The following ZNF438 variants were observed in gnomAD, a reference collection of about 807,000 sequenced individuals.
ZNF438 encodes the protein zinc finger protein 438.
Under a neutral mutation model 38.0 loss-of-function variants are expected in ZNF438, and 25 were observed. The observed-to-expected ratio is 0.66, with a 90% CI of 0.48 to 0.92. The LOEUF (loss-of-function observed/expected upper bound fraction) is 0.92, where lower values mean the gene tolerates loss of function less well. Ranked by LOEUF, ZNF438 falls within the 40% of genes least tolerant of loss-of-function variation. The pLI is 0.00. For synonymous variants in ZNF438, 372 were observed against 364.1 expected, an observed-to-expected ratio of 1.02 and a Z score of -0.25; for missense variants, 1,007 against 999.6, an observed-to-expected ratio of 1.01 and a Z score of -0.10.
rs545461925 is a variant in ZNF438, at chr10:30,924,939, T to C, written c.-114-15924A>G. On this transcript the variant is annotated intron_variant, in intron 2 of 5. Coordinates refer to ENST00000413025, the Ensembl canonical transcript of ZNF438. Reference sequence around the variant, plus strand: ...TTTTGATAAATATACTACGGCTATGTAGGATGTTAATTATTTCAAAATAAA... The same window carrying C: ...TTTTGATAAATATACTACGGCTATGCAGGATGTTAATTATTTCAAAATAAA... Among the ~76,000 whole-genome samples, 33 of 152,336 alleles carry C rather than the reference T, an allele frequency of 2.2e-4. No homozygotes were observed. The South Asian group carries it at 6.4e-3, about 30-fold the overall frequency.
chr10:30,973,394 A>G (rs551034474), intron 1 of ZNF438, among the ~76,000 whole-genome samples: 1 of 152,318 alleles, frequency 6.6e-6, no homozygotes, highest in Admixed American at 6.5e-5. Flanking sequence ...AATAAATATT[A>G]GCCATTTATA....
intron 1 of ZNF438, among the ~76,000 whole-genome samples, chr10:31,006,087 A>G (rs1425915138): frequency 1.3e-5 from 2 of 152,174 alleles, no homozygotes; most frequent in African/African-American, 4.8e-5. Context: ...TGTGAAATAT[A>G]TATCTGGTCT....
chr10:30,849,948 T>A, exon 5 of ZNF438: 1 of 1,614,066 alleles, frequency 6.2e-7, no homozygotes, highest in Non-Finnish European at 8.5e-7. Context: ...CACATTTGGG[T>A]TTGGGCAGGA....
exon 5 of ZNF438, chr10:30,850,204 G>A (rs1428979654): frequency 6.2e-7 from 1 of 1,614,030 alleles, no homozygotes; most frequent in African/African-American, 1.3e-5. Context: ...TGGAGTTGAT[G>A]GAGGGTCCCA....
intron 1 of ZNF438, among the ~76,000 whole-genome samples, chr10:31,000,697 TA>T (rs894737828): frequency 1.4e-4 from 22 of 151,888 alleles, no homozygotes; most frequent in African/African-American, 4.3e-4. Context: ...GAACTGTGCA[TA>T]ATGTAAAGCC....
At chr10:31,015,113 G>A (rs188817932) in intron 1 of ZNF438, among the ~76,000 whole-genome samples, 1 of 152,152 alleles carries the variant, frequency 6.6e-6, no homozygotes, top group African/African-American at 2.4e-5. Context: ...TCCTCCGAAA[G>A]CACGTCGGCT....
In ZNF438 at chr10:30,875,248, G is replaced by A. The variant is rs7078676; in HGVS notation, c.37+1750C>T. 15,786 of 985,316 alleles carry A rather than the reference G, an allele frequency of 0.016. 1,745 individuals are homozygous for A. In the African/African-American group the frequency reaches 0.24, roughly 15 times the overall value. The allele number at this position is 985,316 out of a possible 1,614,324, so 61.0% of individuals were successfully genotyped here. A position where few individuals can be genotyped will look rare whatever the true frequency, so the allele number is the denominator to read the frequency against. ...AAAACAAACTGTGATGAGAAGCAAA[G>A]CAGCCAAGAGGTGTGAGTGCTTTCT... On this transcript the variant is annotated intron_variant, in intron 4 of 5. Coordinates refer to ENST00000413025, the Ensembl canonical transcript of ZNF438.
chr10:30,889,378 G>A (rs1045659319), intron 3 of ZNF438, among the ~76,000 whole-genome samples: 5 of 152,000 alleles, frequency 3.3e-5, no homozygotes, highest in African/African-American at 4.8e-5. Flanking sequence ...TGCTGCTAAC[G>A]GGTTTGATTA....
intron 1 of ZNF438, among the ~76,000 whole-genome samples, chr10:30,946,173 C>A (rs1021273122): frequency 1.3e-5 from 2 of 152,066 alleles, no homozygotes; most frequent in African/African-American, 2.4e-5. Context: ...GCATTTTTTA[C>A]ACCTTATACA....
chr10:30,966,138 C>T (rs1182992084), intron 1 of ZNF438, among the ~76,000 whole-genome samples: 1 of 151,880 alleles, frequency 6.6e-6, no homozygotes, highest in Non-Finnish European at 1.5e-5. Flanking sequence ...TCTAGACAAG[C>T]CTGAGCAATA....
At chr10:30,944,174 G>C (rs2047119764) in intron 1 of ZNF438, among the ~76,000 whole-genome samples, 2 of 152,138 alleles carry the variant, frequency 1.3e-5, no homozygotes, top group Admixed American at 1.3e-4. Flanking sequence ...TTCGGCAAAA[G>C]ACTGGCCACA....
intron 2 of ZNF438, among the ~76,000 whole-genome samples, chr10:30,934,015 G>A (rs1378777527): frequency 2.0e-5 from 3 of 152,018 alleles, no homozygotes; most frequent in African/African-American, 2.4e-5. Flanking sequence ...GTGTGGTGGC[G>A]GGTGCCTGTA....
At chr10:30,897,562 C>T (rs1428141175) in intron 3 of ZNF438, among the ~76,000 whole-genome samples, 1 of 152,226 alleles carries the variant, frequency 6.6e-6, no homozygotes, top group Non-Finnish European at 1.5e-5. Context: ...GCCACCTCCA[C>T]TCCCCAGGCT....
Position 30,849,633 on chromosome 10 carries a change from T to A in ZNF438, c.772A>T (p.Lys258Ter), listed in dbSNP as rs754490195. 6.2e-7 allele frequency: 1 copy of A among 1,614,202 alleles called. No homozygotes were observed. The highest frequency in any genetic ancestry group is 8.5e-7 in the Non-Finnish European group (1 of 1,180,036). The change falls in exon 5 of 6, where the codon AAA becomes TAA. Residue 258 changes from lysine to a stop codon, truncating the protein, a stop_gained. Coordinates refer to ENST00000413025, the Ensembl canonical transcript of ZNF438. LOFTEE classifies it high-confidence loss of function. ...GCAAGATCAACTTGTTCTTTAAATT[T>A]TTCACTGGCAACAGCAGAAGGTTTA...
chr10:31,022,314 T>C (rs1020880405), intron 1 of ZNF438, among the ~76,000 whole-genome samples: 1 of 152,088 alleles, frequency 6.6e-6, no homozygotes, highest in East Asian at 1.9e-4. Context: ...CAGGCTGGAA[T>C]GCAGTGGTAC....
chr10:30,965,128 C>T (rs1179253834), intron 1 of ZNF438, among the ~76,000 whole-genome samples: 4 of 152,070 alleles, frequency 2.6e-5, no homozygotes, highest in Non-Finnish European at 4.4e-5. Flanking sequence ...GGGCAAAGGA[C>T]ATAAACAAAC....
At chr10:30,946,076 C>G (rs1300443566) in intron 1 of ZNF438, among the ~76,000 whole-genome samples, 4 of 149,392 alleles carry the variant, frequency 2.7e-5, no homozygotes, top group Non-Finnish European at 5.9e-5. Context: ...TGTTTCCTGA[C>G]TTTTTAATGA....
chr10:31,030,720 C>G (rs1394635781), intron 1 of ZNF438, among the ~76,000 whole-genome samples: 1 of 152,252 alleles, frequency 6.6e-6, no homozygotes, highest in Non-Finnish European at 1.5e-5. Flanking sequence ...TCTCGAGCTC[C>G]TGTATAAATA....
intron 2 of ZNF438, among the ~76,000 whole-genome samples, chr10:30,936,672 CA>C (rs199667557): frequency 2.3e-4 from 35 of 150,108 alleles, no homozygotes; most frequent in Non-Finnish European, 4.1e-4. Context: ...GACATCGTCT[CA>C]AAAAAAAATG....
Sources: gnomAD v4.1 joint callset for allele counts (sites outside exome capture counted in the v4.1 genomes callset) on GRCh38, gnomAD v4.1.1 for gene constraint, MANE v1.5 for transcripts, NCBI Gene and HGNC (gene_info 2026-07-23, HGNC 2026-07-21) for gene names.